EZH1: variants seen among roughly 807,000 people sequenced by gnomAD.
EZH1 encodes the protein histone-lysine N-methyltransferase EZH1.
EZH1 carries 33 observed loss-of-function variants against 100.5 expected under a neutral mutation model. The ratio of observed to expected loss-of-function variants is 0.33; its 90% confidence interval spans 0.25 to 0.44. The LOEUF (loss-of-function observed/expected upper bound fraction) is 0.44. EZH1 is among the 20% of genes least tolerant of loss of function. The pLI, the probability that EZH1 is intolerant of heterozygous loss-of-function variation, is 1.00. For missense variants in EZH1, 475 were observed against 928.4 expected (o/e 0.51, Z 6.35); for synonymous variants, 272 against 313.8 (o/e 0.87, Z 1.41).
chr17:42,708,149 G>T, intron 14 of EZH1, 66 bp from the exon 15 acceptor site: 1 of 1,519,488 alleles, frequency 6.6e-7, no homozygotes. Flanking sequence ...CCTCCCAAGT[G>T]TCCAGCTGCC....
chr17:42,709,591 A>G (rs543391653), intron 13 of EZH1: 36 of 390,436 alleles, frequency 9.2e-5, no homozygotes, highest in African/African-American at 4.9e-4. Flanking sequence ...CTCATGTCCT[A>G]TTGGCCAGAA....
intron 7 of EZH1, 28 bp from the exon 8 acceptor site, chr17:42,719,235 G>C (rs773842503): frequency 1.9e-6 from 3 of 1,541,474 alleles, no homozygotes; most frequent in Non-Finnish European, 2.7e-6. Flanking sequence ...AAAAGCTCCT[G>C]AGTGCGATTA....
chr17:42,725,766 A>G (rs1385517325), intron 4 of EZH1, among the ~76,000 whole-genome samples: 1 of 152,256 alleles, frequency 6.6e-6, no homozygotes, highest in African/African-American at 2.4e-5. Flanking sequence ...AAGACAGTGG[A>G]CATCAACTTA....
chr17:42,719,091 AC>A lies in EZH1; in HGVS notation c.767+13del. 1.2e-6 allele frequency: 2 copies of A among 1,603,094 alleles called. No homozygotes were observed. Among genetic ancestry groups the A allele is most frequent in the South Asian group, 2.2e-5 (2 of 90,848 alleles). On this transcript the variant is annotated intron_variant, in intron 8 of 20. Coordinates refer to ENST00000428826, the MANE Select transcript of EZH1 (RefSeq NM_001991.5). The stretch of plus-strand genomic sequence containing the variant: ...GCACTCTGTATATGGCCTAAGTGGG[AC>A]AGCTTTCCCTACCTCTCCTTCATGT...
At chr17:42,737,395 G>T (rs762644662) in intron 1 of EZH1, among the ~76,000 whole-genome samples, 3 of 152,192 alleles carry the variant, frequency 2.0e-5, no homozygotes, top group Non-Finnish European at 2.9e-5. Context: ...GGGCCCAGTT[G>T]TTCGAGACCA....
At chr17:42,703,915 A>G in intron 18 of EZH1, 95 bp from the exon 19 acceptor site, 1 of 894,060 alleles carries the variant, frequency 1.1e-6, no homozygotes, top group South Asian at 1.4e-5. Flanking sequence ...TAACAGAAAC[A>G]CTTTAGTCTG....
intron 3 of EZH1, among the ~76,000 whole-genome samples, 157 bp downstream of exon 3, chr17:42,728,668 C>A (rs527722381): frequency 3.0e-4 from 45 of 150,336 alleles, no homozygotes; most frequent in African/African-American, 7.8e-4. Flanking sequence ...CGTGAACCTG[C>A]GAGGTGGAGC....
Position 42,709,940 on chromosome 17 carries a change from G to A in EZH1, c.1402-3C>T. The A allele has an allele frequency of 6.2e-7, 1 of 1,614,034 alleles. No individual in the cohort carries two copies. The highest frequency in any genetic ancestry group is 8.5e-7 in the Non-Finnish European group (1 of 1,179,920). ...TCTTTGACTGCAAACTGAAAGACCT[G>A]GAAGAGAAATCCAACGGGCCTGTCA... On this transcript the variant is annotated splice_polypyrimidine_tract_variant and splice_region_variant and intron_variant, in intron 12 of 20. Coordinates refer to ENST00000428826, the MANE Select transcript of EZH1 (RefSeq NM_001991.5).
intron 5 of EZH1, among the ~76,000 whole-genome samples, chr17:42,723,635 G>A (rs1014425559): frequency 1.3e-5 from 2 of 152,138 alleles, no homozygotes; most frequent in African/African-American, 2.4e-5. Flanking sequence ...AAATAATTTT[G>A]GGGGAGTGGG....
intron 16 of EZH1, 23 bp from the exon 17 acceptor site, chr17:42,705,206 T>G: frequency 6.4e-7 from 1 of 1,552,532 alleles, no homozygotes. Context: ...GGGCCAAGTC[T>G]CAGACTACAG....
At chr17:42,719,250 A>G (rs1463961670) in intron 7 of EZH1, 43 bp from the exon 8 acceptor site, 1 of 1,393,332 alleles carries the variant, frequency 7.2e-7, no homozygotes, top group Admixed American at 1.7e-5. Context: ...CGATTATCAG[A>G]ACACGTAAAC....
intron 6 of EZH1, among the ~76,000 whole-genome samples, chr17:42,721,453 T>C (rs1290920835): frequency 6.6e-6 from 1 of 152,194 alleles, no homozygotes; most frequent in African/African-American, 2.4e-5. Context: ...GAGAGCCTCA[T>C]TGCCATTCTC....
intron 12 of EZH1, 107 bp from the exon 13 acceptor site, chr17:42,710,044 A>C (rs1204153301): frequency 5.7e-6 from 5 of 870,274 alleles, no homozygotes; most frequent in African/African-American, 1.7e-5. Flanking sequence ...CAGGCAGCTG[A>C]CCAAGCCTCT....
intron 1 of EZH1, among the ~76,000 whole-genome samples, chr17:42,744,187 C>T (rs1163217824): frequency 2.0e-5 from 3 of 152,298 alleles, no homozygotes; most frequent in Non-Finnish European, 2.9e-5. Context: ...TATCCCTTCC[C>T]TTCCCTGCTC....
At chr17:42,734,412 CT>C (rs2054023064) in intron 1 of EZH1, among the ~76,000 whole-genome samples, 1 of 151,892 alleles carries the variant, frequency 6.6e-6, no homozygotes, top group Non-Finnish European at 1.5e-5. Flanking sequence ...TCCTATTTTC[CT>C]TTTTGAAATA....
At position 42,706,379 on chromosome 17, in the gene EZH1, C is replaced by T. The variant is rs755876740; in HGVS notation, c.1661-194G>A. 6.6e-6 allele frequency among the ~76,000 whole-genome samples: 1 copy of T among 152,022 alleles called. No individual in the cohort carries two copies. The highest frequency in any genetic ancestry group is 6.6e-5 in the Admixed American group (1 of 15,234). ...AACTGAGTGCTTCCCAACATTCATG[C>T]CTTCGAGTCAAAAAAGCAGGTGTGG... On this transcript the variant is annotated intron_variant, in intron 15 of 20. Coordinates refer to ENST00000428826, the MANE Select transcript of EZH1 (RefSeq NM_001991.5). This position sits in a 1 kb window ranked among gnomAD's most constrained non-coding sequence, Gnocchi z 4.4.
intron 2 of EZH1, 27 bp downstream of exon 2, chr17:42,730,801 G>A (rs1320774562): frequency 1.0e-6 from 1 of 968,154 alleles, no homozygotes; most frequent in African/African-American, 1.8e-5. Flanking sequence ...CGGCCAAGAA[G>A]TATGTATTCT....
rs1165258251 is a variant in EZH1 at position 42,718,076 on chromosome 17, C to CA, written c.932-10dup. The CA allele has an allele frequency of 2.6e-5, 42 of 1,612,222 alleles. No individual in the cohort carries two copies. Among genetic ancestry groups the CA allele is most frequent in the Non-Finnish European group, 3.2e-5 (38 of 1,178,536 alleles). Reference sequence around the variant, plus strand: ...AGGGGTGGCATGAAAAGCTGGAAAACAAAAACTGTCTTGTTGCCAGTGGTC... The same window carrying CA: ...AGGGGTGGCATGAAAAGCTGGAAAACAAAAAACTGTCTTGTTGCCAGTGGTC... On this transcript the variant is annotated splice_polypyrimidine_tract_variant and intron_variant, in intron 9 of 20. Coordinates refer to ENST00000428826, the MANE Select transcript of EZH1 (RefSeq NM_001991.5). The surrounding 1 kb of genome is among the most constrained non-coding windows in gnomAD (Gnocchi z 4.2).
intron 6 of EZH1, among the ~76,000 whole-genome samples, chr17:42,721,936 G>A (rs2053714396): frequency 6.6e-6 from 1 of 151,956 alleles, no homozygotes; most frequent in Admixed American, 6.6e-5. Context: ...AGGATCACAA[G>A]GTCAGGAGAT....
Sources: gnomAD v4.1 joint callset for allele counts (sites outside exome capture counted in the v4.1 genomes callset) on GRCh38, gnomAD v4.1.1 for gene constraint, Gnocchi (gnomAD v3.1) non-coding constraint, MANE v1.5 for transcripts, NCBI Gene and HGNC (gene_info 2026-07-23, HGNC 2026-07-21) for gene names.